Variants in RAB2A observed in about 807,000 individuals in gnomAD.
The protein encoded by RAB2A is RAB2A, member RAS oncogene family.
RAB2A carries 7 observed loss-of-function variants against 32.5 expected under a neutral mutation model. That is an observed-to-expected ratio of 0.22 (90% CI 0.12 to 0.40). The LOEUF (loss-of-function observed/expected upper bound fraction) is 0.40. Ranked by LOEUF, RAB2A falls within the 10% of genes least tolerant of loss-of-function variation. The pLI is 1.00. For missense variants in RAB2A, 108 were observed against 260.7 expected, an observed-to-expected ratio of 0.41 and a Z score of 4.03; for synonymous variants, 79 against 85.2, an observed-to-expected ratio of 0.93 and a Z score of 0.40.
intron 1 of RAB2A, among the ~76,000 whole-genome samples, chr8:60,525,328 G>A (rs6980590): frequency 0.15 from 22,792 of 152,070 alleles, 1,847 homozygotes; most frequent in East Asian, 0.26. Context: ...CTGCCGCCAC[G>A]TAATATGTGC....
intron 1 of RAB2A, among the ~76,000 whole-genome samples, chr8:60,526,013 G>A (rs1213486047): frequency 4.0e-5 from 4 of 100,280 alleles, no homozygotes; most frequent in Admixed American, 2.1e-4. Context: ...ATATATGTGT[G>A]TGTGTACATA....
At chr8:60,598,937 C>CAAAAAAAAAAAAAAAAAAAAAAAA (rs56406651) in intron 6 of RAB2A, among the ~76,000 whole-genome samples, 10 of 40,386 alleles carry the variant, frequency 2.5e-4, no homozygotes, top group Admixed American at 4.9e-4. Flanking sequence ...TGCAGTAAAG[C>CAAAAAAAAAAAAAAAAAAAAAAAA]AAAAAAAAAA....
rs1347300097 is a variant in RAB2A at position 60,577,803 on chromosome 8, T to TTTC, written c.186+5692_186+5693insCTT. Among the ~76,000 whole-genome samples, 49 of 144,668 alleles carry TTTC rather than the reference T, an allele frequency of 3.4e-4. 1 individual carries two copies. The highest frequency in any genetic ancestry group is 7.6e-5 in the Non-Finnish European group (5 of 65,852). The allele number at this position is 144,668 out of a possible 152,430, so 94.9% of individuals were successfully genotyped here. On this transcript the variant is annotated intron_variant, in intron 3 of 7. Transcript: ENST00000262646. ...ACCACGCCCGGCTAATTTTTTTTTT[T>TTTC]TTTTTTTTTTTTGGATTTTTAGTGG...
intron 1 of RAB2A, among the ~76,000 whole-genome samples, chr8:60,539,752 CCTT>C (rs773133302): frequency 2.0e-5 from 3 of 152,068 alleles, no homozygotes; most frequent in Non-Finnish European, 2.9e-5. Flanking sequence ...CGTTTTTCCT[CCTT>C]CTTGGAAAAT....
intron 1 of RAB2A, among the ~76,000 whole-genome samples, chr8:60,555,443 T>C (rs1029909381): frequency 8.6e-5 from 13 of 152,022 alleles, no homozygotes; most frequent in Admixed American, 7.2e-4. Flanking sequence ...AAAACACAAC[T>C]TTTAGAATGG....
At chr8:60,557,254 G>A (rs556285079) in intron 1 of RAB2A, among the ~76,000 whole-genome samples, 7 of 152,276 alleles carry the variant, frequency 4.6e-5, no homozygotes, top group Non-Finnish European at 7.4e-5. Context: ...GGTAGCTCAT[G>A]CCTATAATCC....
intron 6 of RAB2A, among the ~76,000 whole-genome samples, chr8:60,598,867 A>G (rs575126082): frequency 6.7e-6 from 1 of 148,522 alleles, no homozygotes; most frequent in East Asian, 2.1e-4. Flanking sequence ...TTAGATTAGG[A>G]ACAAAGCAGT....
Position 60,620,731 on chromosome 8 carries a change from A to C in RAB2A, c.601A>C (p.Asn201His), listed in dbSNP as rs1804513520. ...HAATNATHAGNQGGQQAGGGC... is the reference protein window; with the variant it reads ...HAATNATHAGHQGGQQAGGGC... ...TGCTACCAATGCAACACATGCAGGC[A>C]ATCAGGGAGGACAGCAGGCTGGGGG... The change falls in exon 8 of 8, where the codon AAT becomes CAT. Residue 201 changes from asparagine (N) to histidine (H), a missense_variant. By Grantham distance (68) the Asn-to-His change is moderately conservative. Transcript: ENST00000262646. 6.2e-7 allele frequency: 1 copy of C among 1,613,904 alleles called. No individual in the cohort carries two copies. The highest frequency in any genetic ancestry group is 8.5e-7 in the Non-Finnish European group (1 of 1,179,970).
intron 5 of RAB2A, among the ~76,000 whole-genome samples, chr8:60,588,078 G>T (rs775943162): frequency 6.6e-6 from 1 of 152,158 alleles, no homozygotes; most frequent in Non-Finnish European, 1.5e-5. Context: ...TTTGAGACCA[G>T]CCTGGGCAAT....
At chr8:60,562,150 C>G (rs1159130791) in intron 2 of RAB2A, among the ~76,000 whole-genome samples, 1 of 152,170 alleles carries the variant, frequency 6.6e-6, no homozygotes, top group Non-Finnish European at 1.5e-5. Context: ...CTGTCCATAT[C>G]CCAAACCATA....
rs903972596 is a variant in RAB2A at position 60,517,063 on chromosome 8, C to G, written c.-145C>G. 29 of 761,296 alleles carry G rather than the reference C, an allele frequency of 3.8e-5. No individual in the cohort carries two copies. Among genetic ancestry groups the G allele is most frequent in the Non-Finnish European group, 5.3e-5 (27 of 509,384 alleles). 47.2% of individuals were successfully genotyped at this position (761,296 alleles called of 1,614,324 possible). On this transcript the variant is annotated 5_prime_UTR_variant, in exon 1 of 8. Coordinates refer to ENST00000262646, the MANE Select transcript of RAB2A (RefSeq NM_002865.3). ...CAGTTCGTCCGGCTTCCTCACAGCC[C>G]CTCACTCCCGGCGGCTGACAGCAGC...
intron 6 of RAB2A, among the ~76,000 whole-genome samples, chr8:60,594,856 C>T (rs1330715668): frequency 4.6e-5 from 7 of 152,152 alleles, no homozygotes; most frequent in Admixed American, 2.6e-4. Context: ...GTATATGTGC[C>T]ACATTTTCTT....
intron 1 of RAB2A, among the ~76,000 whole-genome samples, chr8:60,554,904 C>T (rs749577240): frequency 3.3e-5 from 5 of 151,904 alleles, no homozygotes; most frequent in South Asian, 2.1e-4. Context: ...GGACTGGATT[C>T]GTCCTCTCAA....
chr8:60,527,178 T>C (rs541770276), intron 1 of RAB2A, among the ~76,000 whole-genome samples: 88 of 151,890 alleles, frequency 5.8e-4, no homozygotes, highest in South Asian at 4.0e-3. Context: ...TGCTACACAC[T>C]TTTAAGCAAC....
At chr8:60,521,958 T>C (rs1205445960) in intron 1 of RAB2A, among the ~76,000 whole-genome samples, 5 of 152,178 alleles carry the variant, frequency 3.3e-5, no homozygotes. Context: ...TTTGGAGCAT[T>C]GGTTCACATG....
At chr8:60,583,194 G>A (rs1426616821) in intron 3 of RAB2A, among the ~76,000 whole-genome samples, 1 of 152,160 alleles carries the variant, frequency 6.6e-6, no homozygotes, top group African/African-American at 2.4e-5. Flanking sequence ...TCAGAACTCA[G>A]AATGTGTAAA....
intron 6 of RAB2A, among the ~76,000 whole-genome samples, chr8:60,601,110 T>C (rs1168475235): frequency 6.6e-6 from 1 of 152,242 alleles, no homozygotes; most frequent in African/African-American, 2.4e-5. Flanking sequence ...AGAAGCCTCC[T>C]AACCACAATA....
At chr8:60,611,541 A>G (rs1804348768) in intron 6 of RAB2A, among the ~76,000 whole-genome samples, 2 of 152,188 alleles carry the variant, frequency 1.3e-5, no homozygotes, top group Admixed American at 6.5e-5. Flanking sequence ...TATATACCAC[A>G]TCCTTGAGAT....
chr8:60,577,817 G>GTTTTTTTT (rs1563475782), intron 3 of RAB2A, among the ~76,000 whole-genome samples: 14 of 135,614 alleles, frequency 1.0e-4, no homozygotes, highest in East Asian at 2.2e-4. Flanking sequence ...TTTTTTTTTG[G>GTTTTTTTT]ATTTTTAGTG....
Sources: allele counts gnomAD v4.1 joint callset (sites outside exome capture counted in the v4.1 genomes callset), GRCh38; gene constraint gnomAD v4.1.1; transcripts MANE v1.5; gene names NCBI Gene and HGNC (gene_info 2026-07-23, HGNC 2026-07-21).